The following RARS2 variants were observed in gnomAD, a reference collection of about 807,000 sequenced individuals.
The protein encoded by RARS2 is probable arginine--tRNA ligase, mitochondrial.
In RARS2, 67 loss-of-function variants were observed where a neutral mutation model predicts 88.5. The observed-to-expected ratio is 0.76, with a 90% CI of 0.62 to 0.93. The LOEUF (loss-of-function observed/expected upper bound fraction) is 0.93, where lower values mean the gene tolerates loss of function less well. Ranked by LOEUF, RARS2 falls within the 40% of genes least tolerant of loss-of-function variation. The pLI is 0.00. For missense variants in RARS2, 664 were observed against 684.2 expected (o/e 0.97, Z 0.33); for synonymous variants, 239 against 230.3 (o/e 1.04, Z -0.34).
At chr6:87,589,592 A>C (rs9450751) in intron 1 of RARS2, 275,255 of 872,420 alleles carry the variant, frequency 0.32, 44,048 homozygotes, top group Admixed American at 0.41. Flanking sequence ...ACTAAAGTGT[A>C]AAGAACACTA....
chr6:87,551,628 A>AAAC (rs1784375305), intron 5 of RARS2, among the ~76,000 whole-genome samples: 1 of 147,382 alleles, frequency 6.8e-6, no homozygotes, highest in African/African-American at 2.5e-5. Flanking sequence ...CGTCTCAACA[A>AAAC]AAAAAAAAAA....
Position 87,518,150 on chromosome 6 carries a change from T to A in RARS2, c.1511+19A>T, listed in dbSNP as rs765932119. ...TGATAAGCAGAAGCACACTTGATGA[T>A]CCCTGGAAAACATCATACCTGAGAA... On this transcript the variant is annotated intron_variant, in intron 17 of 19. Transcript: ENST00000369536. 6.2e-7 allele frequency: 1 copy of A among 1,614,098 alleles called. No individual in the cohort carries two copies. The highest frequency in any genetic ancestry group is 8.5e-7 in the Non-Finnish European group (1 of 1,180,004).
chr6:87,579,956 G>C (rs1308835626), intron 1 of RARS2, among the ~76,000 whole-genome samples: 1 of 151,826 alleles, frequency 6.6e-6, no homozygotes, highest in East Asian at 1.9e-4. Context: ...TTGCTGGATG[G>C]TCTTGATCTC....
In RARS2 at chr6:87,518,848, G is replaced by C; in HGVS notation, c.1281C>G (p.Val427=). Residue 427 remains valine, a synonymous_variant, in exon 15 of 20, where the codon GTC becomes GTG. Transcript: ENST00000369536. ...LKNPQETAER[V]GLAALIIQDF... is the part of the protein sequence containing the mutation. ...CCTGAATAATGAGTGCTGCGAGCCC[G>C]ACCCTCTCTGCAGTCTCTTGTGGGT... 6.2e-7 allele frequency: 1 copy of C among 1,614,044 alleles called. No homozygotes were observed. Among genetic ancestry groups the C allele is most frequent in the Non-Finnish European group, 8.5e-7 (1 of 1,179,978 alleles).
intron 1 of RARS2, among the ~76,000 whole-genome samples, chr6:87,573,024 C>G (rs1390937871): frequency 4.6e-5 from 7 of 152,096 alleles, no homozygotes; most frequent in Admixed American, 2.6e-4. Context: ...AATAACAAGA[C>G]AGTAGTTTCA....
At chr6:87,580,089 T>C (rs1773014698) in intron 1 of RARS2, among the ~76,000 whole-genome samples, 1 of 152,166 alleles carries the variant, frequency 6.6e-6, no homozygotes, top group African/African-American at 2.4e-5. Context: ...AGAATTATTC[T>C]GGGAGTAATA....
chr6:87,552,633 T>TA (rs1004500495), intron 5 of RARS2, among the ~76,000 whole-genome samples: 11 of 150,564 alleles, frequency 7.3e-5, no homozygotes, highest in East Asian at 5.9e-4. Flanking sequence ...TTTAAAAGCA[T>TA]AAAAAAAAGG....
chr6:87,574,335 C>T (rs758182498), intron 1 of RARS2, among the ~76,000 whole-genome samples: 1 of 152,172 alleles, frequency 6.6e-6, no homozygotes, highest in African/African-American at 2.4e-5. Flanking sequence ...ATAATGTGTA[C>T]AGGTCACCAT....
At chr6:87,576,558 G>A (rs1312179426) in intron 1 of RARS2, among the ~76,000 whole-genome samples, 1 of 151,160 alleles carries the variant, frequency 6.6e-6, no homozygotes, top group Non-Finnish European at 1.5e-5. Flanking sequence ...TTACAGGCGT[G>A]AGCCACCGCG....
intron 4 of RARS2, among the ~76,000 whole-genome samples, chr6:87,560,351 G>A (rs1265000082): frequency 6.6e-6 from 1 of 152,114 alleles, no homozygotes; most frequent in Non-Finnish European, 1.5e-5. Flanking sequence ...TAAGAAAACA[G>A]GGTTTTGTTT....
Position 87,541,985 on chromosome 6 carries a change from C to G in RARS2, c.545G>C (p.Gly182Ala). ...ATAGCCAAACAGCTGGAAGCCAGTT[C>G]CCAGAAGACCTACCATGATAATCCG... ...GDWGMQFGLL[G>A]TGFQLFGYEE... Residue 182 changes from glycine to alanine, a missense_variant, in exon 8 of 20, where the codon GGA becomes GCA. By Grantham distance (60) the Gly-to-Ala change is moderately conservative. Coordinates refer to ENST00000369536, the MANE Select transcript of RARS2 (RefSeq NM_020320.5). 1 of 1,611,874 alleles carries G rather than the reference C, an allele frequency of 6.2e-7. No individual in the cohort carries two copies. The highest frequency in any genetic ancestry group is 8.5e-7 in the Non-Finnish European group (1 of 1,178,240).
chr6:87,541,027 A>C (rs1391840134), intron 8 of RARS2, among the ~76,000 whole-genome samples: 2 of 152,206 alleles, frequency 1.3e-5, no homozygotes, highest in African/African-American at 4.8e-5. Flanking sequence ...ATTAACTGAC[A>C]GAAAATTGAG....
intron 10 of RARS2, among the ~76,000 whole-genome samples, chr6:87,527,805 T>C (rs1177465485): frequency 4.0e-5 from 6 of 149,720 alleles, no homozygotes; most frequent in Admixed American, 6.6e-5. Flanking sequence ...AGTAAACTAA[T>C]GCAGGAACAG....
intron 1 of RARS2, among the ~76,000 whole-genome samples, chr6:87,581,927 T>C (rs898978314): frequency 1.3e-5 from 2 of 152,218 alleles, no homozygotes; most frequent in African/African-American, 4.8e-5. Flanking sequence ...GCAAAGGACA[T>C]GATCTCGTTC....
intron 5 of RARS2, among the ~76,000 whole-genome samples, chr6:87,552,407 CACA>C (rs1784613164): frequency 6.6e-6 from 1 of 152,162 alleles, no homozygotes; most frequent in South Asian, 2.1e-4. Flanking sequence ...GCAATGGTCT[CACA>C]ACAATGCCAC....
At chr6:87,526,047 G>C (rs1775579882) in intron 10 of RARS2, among the ~76,000 whole-genome samples, 1 of 152,044 alleles carries the variant, frequency 6.6e-6, no homozygotes, top group South Asian at 2.1e-4. Context: ...CTGTATTAAT[G>C]GATTGGAAAA....
At chr6:87,527,735 A>C (rs1219894516) in intron 10 of RARS2, among the ~76,000 whole-genome samples, 2 of 152,088 alleles carry the variant, frequency 1.3e-5, no homozygotes, top group African/African-American at 2.4e-5. Context: ...AACCAAACCA[A>C]CACCACCACT....
intron 1 of RARS2, among the ~76,000 whole-genome samples, chr6:87,585,621 A>G (rs910316009): frequency 5.3e-5 from 8 of 152,002 alleles, no homozygotes; most frequent in Non-Finnish European, 7.4e-5. Flanking sequence ...AGTCCCAGCT[A>G]CTCGGGAGGC....
In RARS2 at chr6:87,539,848, C is replaced by A. The variant is rs116555890; in HGVS notation, c.612+2070G>T. ...GCACCGGGGAACAAGCATGCTATTT[C>A]TAAATAAACATTTTTACATATAACA... is the stretch of plus-strand genomic sequence containing the variant. On this transcript the variant is annotated intron_variant, in intron 8 of 19. Transcript: ENST00000369536. Among the ~76,000 whole-genome samples, 1,468 of 152,220 alleles carry A rather than the reference C, an allele frequency of 9.6e-3. 12 individuals carry two copies. Among genetic ancestry groups the A allele is most frequent in the African/African-American group, 0.034 (1,409 of 41,528 alleles).
Sources: gnomAD v4.1 joint callset for allele counts (sites outside exome capture counted in the v4.1 genomes callset) on GRCh38, gnomAD v4.1.1 for gene constraint, MANE v1.5 for transcripts, NCBI Gene and HGNC (gene_info 2026-07-23, HGNC 2026-07-21) for gene names.